Variants in CDKAL1 observed in about 807,000 individuals in gnomAD.
The protein encoded by CDKAL1 is threonylcarbamoyladenosine tRNA methylthiotransferase.
CDKAL1 carries 32 observed loss-of-function variants against 68.2 expected under a neutral mutation model. That is an observed-to-expected ratio of 0.47 (90% CI 0.35 to 0.63). CDKAL1 has a LOEUF of 0.63. CDKAL1 is among the 30% of genes least tolerant of loss of function. The probability of loss-of-function intolerance (pLI) is 0.00; values close to 1 mark genes in which losing one functional copy is unlikely to be tolerated. For synonymous variants in CDKAL1, 234 were observed against 244.3 expected (o/e 0.96, Z 0.39); for missense variants, 606 against 696.7 (o/e 0.87, Z 1.47).
At chr6:20,871,392 T>C (rs567302120) in intron 9 of CDKAL1, among the ~76,000 whole-genome samples, 1 of 152,308 alleles carries the variant, frequency 6.6e-6, no homozygotes, top group Admixed American at 6.5e-5. Flanking sequence ...TCACAGCCAC[T>C]ACAAATAGCT....
chr6:20,677,093 TAG>T (rs1312433003), intron 5 of CDKAL1, among the ~76,000 whole-genome samples: 9 of 151,654 alleles, frequency 5.9e-5, no homozygotes, highest in Admixed American at 1.3e-4. Flanking sequence ...GTGTGTGTGA[TAG>T]AGTCTTGCTC....
intron 9 of CDKAL1, among the ~76,000 whole-genome samples, chr6:20,890,435 A>G (rs1443185255): frequency 6.6e-6 from 1 of 152,276 alleles, no homozygotes; most frequent in African/African-American, 2.4e-5. Context: ...GTGCTCAGCA[A>G]TAGATGTGGA....
intron 4 of CDKAL1, among the ~76,000 whole-genome samples, chr6:20,614,885 C>T (rs1298975154): frequency 8.0e-5 from 12 of 149,752 alleles, no homozygotes; most frequent in African/African-American, 2.5e-4. Flanking sequence ...CCCACTAACT[C>T]GTCATCTAGC....
chr6:20,690,261 T>A lies in CDKAL1; in HGVS notation c.371+40884T>A, dbSNP rs148659726. 1.2e-3 allele frequency among the ~76,000 whole-genome samples: 187 copies of A among 152,382 alleles called. 1 individual carries two copies. Among genetic ancestry groups the A allele is most frequent in the African/African-American group, 4.4e-3 (181 of 41,590 alleles). On this transcript the variant is annotated intron_variant, in intron 5 of 15. Coordinates refer to ENST00000274695, the MANE Select transcript of CDKAL1 (RefSeq NM_017774.3). Reference sequence around the variant, plus strand: ...CTATAAGTTGTATATATTTTTTGGCTGAGTACTTAGATTTTATCCAATTTT... The same window carrying A: ...CTATAAGTTGTATATATTTTTTGGCAGAGTACTTAGATTTTATCCAATTTT...
At chr6:21,229,016 T>TA (rs1228903019) in intron 15 of CDKAL1, among the ~76,000 whole-genome samples, 1 of 152,102 alleles carries the variant, frequency 6.6e-6, no homozygotes, top group Admixed American at 6.5e-5. Flanking sequence ...TGTGCCTCCT[T>TA]ACGAAGGACT....
rs1248561133 is a variant in CDKAL1, at chr6:20,535,387, T to C, written c.-13T>C. ...AAGAGGACTTTAGACTAATTGCAGA[T>C]AATTAAGGTACTGATTTATTTTAAA... On this transcript the variant is annotated 5_prime_UTR_variant, in exon 2 of 16. Coordinates refer to ENST00000274695, the MANE Select transcript of CDKAL1 (RefSeq NM_017774.3). 1 of 152,388 alleles carries C rather than the reference T, an allele frequency of 6.6e-6. No individual in the cohort carries two copies. Among genetic ancestry groups the C allele is most frequent in the African/African-American group, 2.4e-5 (1 of 41,460 alleles). The allele number at this position is 152,388 out of a possible 1,614,324, so 9.4% of individuals were successfully genotyped here. A position where few individuals can be genotyped will look rare whatever the true frequency, so the allele number is the denominator to read the frequency against.
chr6:20,928,555 C>G (rs1026039849), intron 9 of CDKAL1, among the ~76,000 whole-genome samples: 1 of 151,914 alleles, frequency 6.6e-6, no homozygotes, highest in African/African-American at 2.4e-5. Context: ...GATCTAAGAT[C>G]TTTATTTTCT....
chr6:21,077,203 C>T (rs1772119669), intron 12 of CDKAL1, among the ~76,000 whole-genome samples: 1 of 152,038 alleles, frequency 6.6e-6, no homozygotes, highest in Admixed American at 6.6e-5. Context: ...ATCTACATTT[C>T]CCATTCTTTC....
At chr6:20,998,667 G>T (rs1161945336) in intron 10 of CDKAL1, among the ~76,000 whole-genome samples, 1 of 150,728 alleles carries the variant, frequency 6.6e-6, no homozygotes, top group Non-Finnish European at 1.5e-5. Flanking sequence ...GCCCAGAAAT[G>T]TAACAGTTTC....
rs547890544 is a variant in CDKAL1 at position 21,224,055 on chromosome 6, C to T, written c.1549-6793C>T. On this transcript the variant is annotated intron_variant, in intron 15 of 15. Coordinates refer to ENST00000274695, the MANE Select transcript of CDKAL1 (RefSeq NM_017774.3). ...GGCAGCTAGTTTAGCTCTGCCTGAACTGAGTACGCTTTCTGGTGGGATGCA... is the reference window on the plus strand; with the variant it reads ...GGCAGCTAGTTTAGCTCTGCCTGAATTGAGTACGCTTTCTGGTGGGATGCA... 8.5e-5 allele frequency among the ~76,000 whole-genome samples: 13 copies of T among 152,316 alleles called. No homozygotes were observed. The South Asian group carries it at 1.7e-3, about 19-fold the overall frequency.
intron 13 of CDKAL1, among the ~76,000 whole-genome samples, chr6:21,190,331 T>C (rs1191143708): frequency 6.6e-6 from 1 of 152,092 alleles, no homozygotes; most frequent in African/African-American, 2.4e-5. Context: ...AACCATGATG[T>C]AAATGATTAC....
chr6:20,785,796 T>C (rs1417726007), intron 8 of CDKAL1, among the ~76,000 whole-genome samples: 2 of 152,256 alleles, frequency 1.3e-5, no homozygotes, highest in Non-Finnish European at 2.9e-5. Context: ...CATAAATTTT[T>C]CATTTTTCGT....
intron 9 of CDKAL1, among the ~76,000 whole-genome samples, chr6:20,927,974 T>C (rs1322876408): frequency 6.6e-6 from 1 of 152,186 alleles, no homozygotes; most frequent in Admixed American, 6.5e-5. Flanking sequence ...TCTTACTCTG[T>C]TTTTTCTAAG....
At chr6:20,880,721 C>A (rs1760770187) in intron 9 of CDKAL1, among the ~76,000 whole-genome samples, 1 of 151,968 alleles carries the variant, frequency 6.6e-6, no homozygotes. Context: ...GGTCTGAGAA[C>A]ATATTTGACA....
intron 5 of CDKAL1, among the ~76,000 whole-genome samples, chr6:20,680,537 G>A (rs190537730): frequency 3.9e-5 from 6 of 152,272 alleles, no homozygotes; most frequent in Admixed American, 3.3e-4. Flanking sequence ...CTTACATTCG[G>A]TGCTCAAACC....
intron 4 of CDKAL1, among the ~76,000 whole-genome samples, chr6:20,639,218 T>C (rs1433045223): frequency 6.6e-6 from 1 of 152,186 alleles, no homozygotes; most frequent in Non-Finnish European, 1.5e-5. Flanking sequence ...TGACCCTTGG[T>C]TTCCTCATCT....
At chr6:21,174,018 T>G (rs1777488489) in intron 13 of CDKAL1, among the ~76,000 whole-genome samples, 1 of 151,980 alleles carries the variant, frequency 6.6e-6, no homozygotes, top group Non-Finnish European at 1.5e-5. Flanking sequence ...AGCAGTGAAC[T>G]GTGATCACAC....
intron 5 of CDKAL1, among the ~76,000 whole-genome samples, chr6:20,696,858 G>A (rs1157214309): frequency 6.6e-6 from 1 of 152,062 alleles, no homozygotes; most frequent in Non-Finnish European, 1.5e-5. Flanking sequence ...ATGTGTTGAA[G>A]AATGTTTTGT....
chr6:21,136,967 A>G (rs1287884931), intron 13 of CDKAL1, among the ~76,000 whole-genome samples: 2 of 152,116 alleles, frequency 1.3e-5, no homozygotes, highest in Non-Finnish European at 2.9e-5. Context: ...TGCTCTTCCC[A>G]AAGGCCTCCA....
Sources: gnomAD v4.1 joint callset for allele counts (sites outside exome capture counted in the v4.1 genomes callset) on GRCh38, gnomAD v4.1.1 for gene constraint, MANE v1.5 for transcripts, NCBI Gene and HGNC (gene_info 2026-07-23, HGNC 2026-07-21) for gene names.